ARRB1: variants seen among roughly 807,000 people sequenced by gnomAD.
ARRB1 encodes beta-arrestin-1.
A neutral mutation model predicts 56.8 loss-of-function variants in ARRB1; 21 were observed. The ratio of observed to expected loss-of-function variants is 0.37; its 90% CI spans 0.26 to 0.53. The LOEUF is 0.53. ARRB1 is among the 20% of genes least tolerant of loss of function. The pLI is 0.88. For synonymous variants in ARRB1, 210 were observed against 218.6 expected (o/e 0.96, Z 0.35); for missense variants, 424 against 553.7 (o/e 0.77, Z 2.35).
chr11:75,314,043 C>A (rs141083415), intron 1 of ARRB1, among the ~76,000 whole-genome samples: 3 of 152,340 alleles, frequency 2.0e-5, no homozygotes, highest in African/African-American at 4.8e-5. Flanking sequence ...GCCTCCCTCC[C>A]ACCATGCTCC....
chr11:75,318,464 C>T lies in ARRB1; in HGVS notation c.21-28425G>A, dbSNP rs146256383. Among the ~76,000 whole-genome samples the T allele has an allele frequency of 5.7e-3, 863 of 152,160 alleles. 3 individuals are homozygous for T. Among genetic ancestry groups the T allele is most frequent in the African/African-American group, 0.019 (794 of 41,528 alleles). On this transcript the variant is annotated intron_variant, in intron 1 of 15. Coordinates refer to ENST00000420843, the MANE Select transcript of ARRB1 (RefSeq NM_004041.5). ...CAGAACTTTGGGAGGCCGAGGTGGG[C>T]GGGGCACCTGAGGTCAGGAGTTCGA...
chr11:75,284,118 G>T (rs1946419093), intron 4 of ARRB1, 117 bp downstream of exon 4: 1 of 1,064,792 alleles, frequency 9.4e-7, no homozygotes, highest in Non-Finnish European at 1.3e-6. Flanking sequence ...ATCTGTAGAG[G>T]TATTTGTTGG....
rs766212893 is a variant in ARRB1 at position 75,277,464 on chromosome 11, AG to A, written c.619-17del. The stretch of plus-strand genomic sequence containing the variant: ...GGTAATAGATCTGGGGGGCATAAGA[AG>A]GGACGGGGTTGGCTGGGAGGACAGC... On this transcript the variant is annotated splice_polypyrimidine_tract_variant and intron_variant, in intron 8 of 15. Transcript: ENST00000420843. 5 of 1,612,346 alleles carry A rather than the reference AG, an allele frequency of 3.1e-6. No individual in the cohort carries two copies. Among genetic ancestry groups the A allele is most frequent in the Non-Finnish European group, 4.2e-6 (5 of 1,178,504 alleles).
At chr11:75,334,664 T>C (rs906672495) in intron 1 of ARRB1, among the ~76,000 whole-genome samples, 18 of 152,210 alleles carry the variant, frequency 1.2e-4, no homozygotes, top group Non-Finnish European at 7.3e-5. Flanking sequence ...AAGAGGAAGA[T>C]TGAAGTCAGA....
At chr11:75,333,397 A>T (rs1437043526) in intron 1 of ARRB1, among the ~76,000 whole-genome samples, 1 of 152,212 alleles carries the variant, frequency 6.6e-6, no homozygotes, top group Admixed American at 6.5e-5. Flanking sequence ...CAACCAGTTC[A>T]GGGTGTATTG....
rs1421122734 is a variant in ARRB1 at position 75,338,207 on chromosome 11, G to A, written c.20+13381C>T. Among the ~76,000 whole-genome samples the A allele has an allele frequency of 2.0e-5, 3 of 152,298 alleles. No homozygotes were observed. The East Asian group carries it at 5.8e-4, about 29-fold the overall frequency. On this transcript the variant is annotated intron_variant, in intron 1 of 15. Transcript: ENST00000420843. ...ACTTTCCCATAGGACATGGGGAGCA[G>A]TGGATCAGGCCTTAGGCTGGGAAGA...
At chr11:75,335,656 G>A (rs2134980988) in intron 1 of ARRB1, among the ~76,000 whole-genome samples, 1 of 152,124 alleles carries the variant, frequency 6.6e-6, no homozygotes, top group South Asian at 2.1e-4. Context: ...TGCTCACAAG[G>A]GCAGCACTGC....
At chr11:75,276,737 G>T (rs1045081355) in intron 10 of ARRB1, 102 bp downstream of exon 10, 2 of 1,140,362 alleles carry the variant, frequency 1.8e-6, no homozygotes, top group African/African-American at 1.5e-5. Context: ...CCAGCCCTCT[G>T]CCAGGTGGAG....
chr11:75,346,155 T>C (rs2135004329), intron 1 of ARRB1, among the ~76,000 whole-genome samples: 1 of 152,166 alleles, frequency 6.6e-6, no homozygotes, highest in East Asian at 1.9e-4. Flanking sequence ...GGCTCTTTCT[T>C]CTGTCTAGAA....
At chr11:75,303,773 C>A (rs539515414) in intron 1 of ARRB1, 1 of 445,948 alleles carries the variant, frequency 2.2e-6, no homozygotes, top group South Asian at 1.6e-5. Context: ...AGGCACCCAG[C>A]ACACATGTGC....
At chr11:75,295,273 A>G (rs1946710897) in intron 1 of ARRB1, among the ~76,000 whole-genome samples, 1 of 149,578 alleles carries the variant, frequency 6.7e-6, no homozygotes, top group East Asian at 2.0e-4. Flanking sequence ...ATTATCTTAT[A>G]GTTTGGTAGT....
In ARRB1 at chr11:75,322,416, G is replaced by A. The variant is rs545778636; in HGVS notation, c.20+29172C>T. Among the ~76,000 whole-genome samples, 7 of 152,348 alleles carry A rather than the reference G, an allele frequency of 4.6e-5. 1 individual carries two copies. The highest frequency in any genetic ancestry group is 1.4e-4 in the African/African-American group (6 of 41,578). ...AGCTACTTGGGATTCTGAGGCAGGA[G>A]AATCGCTTGTACCCAGGAGGCAGAG... On this transcript the variant is annotated intron_variant, in intron 1 of 15. Coordinates refer to ENST00000420843, the MANE Select transcript of ARRB1 (RefSeq NM_004041.5).
intron 7 of ARRB1, among the ~76,000 whole-genome samples, chr11:75,280,396 G>A (rs2140420383): frequency 6.6e-6 from 1 of 152,340 alleles, no homozygotes; most frequent in Middle Eastern, 3.4e-3. Context: ...AACCTCCTCT[G>A]GGACCAGTGC....
chr11:75,321,447 G>A lies in ARRB1; in HGVS notation c.20+30141C>T, dbSNP rs553200017. The stretch of plus-strand genomic sequence containing the variant: ...TTTCTCTCCTTCTTCTCTCCCTGCT[G>A]GCGGAAACCACCTTCCTTACACACA... On this transcript the variant is annotated intron_variant, in intron 1 of 15. Transcript: ENST00000420843. 2.6e-5 allele frequency among the ~76,000 whole-genome samples: 4 copies of A among 152,178 alleles called. No homozygotes were observed. In the East Asian group the frequency reaches 7.7e-4, roughly 29 times the overall value.
chr11:75,268,994 C>T lies in ARRB1; in HGVS notation c.1023-35G>A, dbSNP rs374056765. ...AGACCCAGACCCAGTGAGCCTTGAG[C>T]GGACTCACAGGCTGTGAGACTTGAT... On this transcript the variant is annotated intron_variant, in intron 13 of 15. Transcript: ENST00000420843. 57 of 1,597,402 alleles carry T rather than the reference C, an allele frequency of 3.6e-5. No individual in the cohort carries two copies. The African/African-American group carries it at 5.0e-4, about 14-fold the overall frequency.
intron 12 of ARRB1, among the ~76,000 whole-genome samples, chr11:75,272,353 CACT>C (rs1411213792): frequency 6.6e-6 from 1 of 152,206 alleles, no homozygotes; most frequent in African/African-American, 2.4e-5. Flanking sequence ...TCTGGTCCAC[CACT>C]ATGACCTGAG....
In ARRB1 at chr11:75,284,218, TG is replaced by T; in HGVS notation, c.157+16del. ...GAGGCGGCCCTTGACAGGCTGGGGA[TG>T]GGGGCCACAGCCTACCTCTCCGCTC... On this transcript the variant is annotated intron_variant, in intron 4 of 15. Coordinates refer to ENST00000420843, the MANE Select transcript of ARRB1 (RefSeq NM_004041.5). 1 of 1,601,224 alleles carries T rather than the reference TG, an allele frequency of 6.2e-7. No individual in the cohort carries two copies. The highest frequency in any genetic ancestry group is 8.5e-7 in the Non-Finnish European group (1 of 1,172,060).
intron 1 of ARRB1, among the ~76,000 whole-genome samples, chr11:75,314,407 A>G (rs918655566): frequency 2.5e-4 from 38 of 152,222 alleles, no homozygotes; most frequent in African/African-American, 9.2e-4. Flanking sequence ...ACCCCAGGAC[A>G]CTGGAGCAGA....
intron 1 of ARRB1, among the ~76,000 whole-genome samples, chr11:75,329,924 C>G (rs556848745): frequency 6.6e-6 from 1 of 152,032 alleles, no homozygotes; most frequent in Non-Finnish European, 1.5e-5. Context: ...CACTTGACCC[C>G]AGGAGTTCGA....
Sources: allele counts gnomAD v4.1 joint callset (sites outside exome capture counted in the v4.1 genomes callset), GRCh38; gene constraint gnomAD v4.1.1; transcripts MANE v1.5; gene names NCBI Gene and HGNC (gene_info 2026-07-23, HGNC 2026-07-21).